Variants in PRKCA observed in about 807,000 individuals in gnomAD.
PRKCA encodes the protein protein kinase C alpha type.
Under a neutral mutation model 87.0 loss-of-function variants are expected in PRKCA, and 27 were observed. The observed-to-expected ratio is 0.31, with a 90% CI of 0.23 to 0.43. The LOEUF is 0.43. Ranked by LOEUF, PRKCA falls within the 20% of genes least tolerant of loss-of-function variation. PRKCA has a pLI of 1.00. For missense variants in PRKCA, 518 were observed against 852.3 expected (o/e 0.61, Z 4.88); for synonymous variants, 329 against 311.1 (o/e 1.06, Z -0.61).
intron 2 of PRKCA, among the ~76,000 whole-genome samples, chr17:66,443,966 A>C (rs978656788): frequency 4.6e-5 from 7 of 152,096 alleles, no homozygotes; most frequent in Admixed American, 3.3e-4. Context: ...GGCAGACTTG[A>C]GTTGAGACCT....
intron 2 of PRKCA, among the ~76,000 whole-genome samples, chr17:66,429,806 C>T (rs1309822254): frequency 3.9e-5 from 6 of 152,116 alleles, no homozygotes; most frequent in Non-Finnish European, 5.9e-5. Context: ...ATTAATGTGA[C>T]GGATAGGAAG....
At chr17:66,674,299 G>A (rs1042321110) in intron 5 of PRKCA, among the ~76,000 whole-genome samples, 8 of 152,328 alleles carry the variant, frequency 5.3e-5, no homozygotes, top group South Asian at 2.1e-4. Context: ...GAGATGGATG[G>A]AGGAGTGTCC....
chr17:66,724,997 C>T (rs1456767859), intron 8 of PRKCA, among the ~76,000 whole-genome samples: 2 of 152,184 alleles, frequency 1.3e-5, no homozygotes, highest in Non-Finnish European at 2.9e-5. Flanking sequence ...CCAGCTGGAT[C>T]TTGGGCAAGC....
chr17:66,554,276 C>T (rs531370192), intron 3 of PRKCA, among the ~76,000 whole-genome samples: 1 of 151,716 alleles, frequency 6.6e-6, no homozygotes, highest in East Asian at 1.9e-4. Flanking sequence ...AGTTATTTCT[C>T]AAAAAATAGC....
intron 3 of PRKCA, among the ~76,000 whole-genome samples, chr17:66,518,994 T>C (rs772526901): frequency 1.4e-4 from 21 of 152,190 alleles, no homozygotes; most frequent in Non-Finnish European, 2.4e-4. Flanking sequence ...AAATCTGTGT[T>C]TGGAGGTTAC....
chr17:66,666,350 G>GC (rs1397018380), intron 5 of PRKCA, among the ~76,000 whole-genome samples: 1 of 152,202 alleles, frequency 6.6e-6, no homozygotes. Context: ...GGGGCCAGAA[G>GC]CACTTGAAGT....
intron 3 of PRKCA, among the ~76,000 whole-genome samples, chr17:66,580,250 C>T (rs1401154818): frequency 6.6e-6 from 1 of 152,200 alleles, no homozygotes; most frequent in Non-Finnish European, 1.5e-5. Context: ...TCCTTATTAG[C>T]CTGAGTGACC....
At chr17:66,651,306 C>T (rs777519331) in intron 5 of PRKCA, among the ~76,000 whole-genome samples, 2 of 152,144 alleles carry the variant, frequency 1.3e-5, no homozygotes, top group African/African-American at 2.4e-5. Context: ...AGGAGCCATG[C>T]GCACAGGCTC....
chr17:66,357,229 G>C (rs564691762), intron 2 of PRKCA, among the ~76,000 whole-genome samples: 5 of 152,334 alleles, frequency 3.3e-5, no homozygotes, highest in African/African-American at 7.2e-5. Flanking sequence ...AGGAGACAGA[G>C]AGAGAGGGTG....
chr17:66,762,792 T>C (rs1365835548), intron 13 of PRKCA, among the ~76,000 whole-genome samples: 2 of 152,084 alleles, frequency 1.3e-5, no homozygotes, highest in Admixed American at 1.3e-4. Flanking sequence ...AACACCTTTT[T>C]TATTTTATTT....
chr17:66,371,876 A>G (rs1482645695), intron 2 of PRKCA, among the ~76,000 whole-genome samples: 1 of 152,154 alleles, frequency 6.6e-6, no homozygotes, highest in East Asian at 1.9e-4. Flanking sequence ...GAAACTCCCT[A>G]CTTGATGCCT....
At chr17:66,728,150 T>C (rs1598901257) in intron 8 of PRKCA, among the ~76,000 whole-genome samples, 1 of 151,786 alleles carries the variant, frequency 6.6e-6, no homozygotes, top group Admixed American at 6.6e-5. Context: ...GCTCAGGGAG[T>C]GTGTTCTGTA....
intron 3 of PRKCA, among the ~76,000 whole-genome samples, chr17:66,610,281 G>A (rs1395594944): frequency 6.6e-6 from 1 of 152,134 alleles, no homozygotes; most frequent in African/African-American, 2.4e-5. Context: ...ATGTGAGGAG[G>A]GGCCCAGAGC....
chr17:66,765,443 T>G (rs1974786157), intron 13 of PRKCA, among the ~76,000 whole-genome samples: 1 of 138,398 alleles, frequency 7.2e-6, no homozygotes, highest in Middle Eastern at 3.6e-3. Flanking sequence ...TATATATATA[T>G]ATATATATAT....
chr17:66,548,813 T>G (rs1159385924), intron 3 of PRKCA, among the ~76,000 whole-genome samples: 1 of 151,964 alleles, frequency 6.6e-6, no homozygotes, highest in Non-Finnish European at 1.5e-5. Context: ...GGCAAGTTTT[T>G]TTTTTTTTGA....
chr17:66,769,138 G>C (rs867175778), intron 13 of PRKCA, among the ~76,000 whole-genome samples: 2 of 152,058 alleles, frequency 1.3e-5, no homozygotes, highest in Admixed American at 6.6e-5. Context: ...GGGCATAGTG[G>C]CTGATACCTG....
At chr17:66,453,792 T>C (rs1914449455) in intron 2 of PRKCA, among the ~76,000 whole-genome samples, 1 of 152,228 alleles carries the variant, frequency 6.6e-6, no homozygotes, top group Non-Finnish European at 1.5e-5. Context: ...TTTCTCTCCC[T>C]GATGTAAACA....
At chr17:66,469,401 TG>T (rs1182937007) in intron 2 of PRKCA, among the ~76,000 whole-genome samples, 1 of 152,114 alleles carries the variant, frequency 6.6e-6, no homozygotes, top group Non-Finnish European at 1.5e-5. Context: ...ATATGCTCAT[TG>T]GGGGAAATAA....
chr17:66,529,928 C>G (rs1397985591), intron 3 of PRKCA, among the ~76,000 whole-genome samples: 1 of 152,160 alleles, frequency 6.6e-6, no homozygotes, highest in Non-Finnish European at 1.5e-5. Context: ...TTTCCTTCCT[C>G]CTCCTTGGTT....
Sources: allele counts gnomAD v4.1 joint callset (sites outside exome capture counted in the v4.1 genomes callset), GRCh38; gene constraint gnomAD v4.1.1; transcripts MANE v1.5; gene names NCBI Gene and HGNC (gene_info 2026-07-23, HGNC 2026-07-21).